Variants in SRFBP1 observed in about 807,000 individuals in gnomAD.
The protein encoded by SRFBP1 is serum response factor-binding protein 1.
A neutral mutation model predicts 45.5 loss-of-function variants in SRFBP1; 47 were observed. The ratio of observed to expected loss-of-function variants is 1.03; its 90% confidence interval spans 0.82 to 1.32. SRFBP1 has a LOEUF of 1.32. SRFBP1 is among the 40% of genes most tolerant of loss of function. The probability of loss-of-function intolerance (pLI) is 0.00; values close to 1 mark genes in which losing one functional copy is unlikely to be tolerated. For synonymous variants in SRFBP1, 203 were observed against 166.3 expected, an observed-to-expected ratio of 1.22 and a Z score of -1.70; for missense variants, 621 against 484.6, an observed-to-expected ratio of 1.28 and a Z score of -2.64.
rs1753532815 is a variant in SRFBP1, at chr5:122,028,404, A to G, written c.*1278A>G. The G allele has an allele frequency of 6.6e-6, 1 of 152,138 alleles. No homozygotes were observed. The highest frequency in any genetic ancestry group is 1.5e-5 in the Non-Finnish European group (1 of 68,052). The allele number at this position is 152,138 out of a possible 1,614,324, so 9.4% of individuals were successfully genotyped here. A position where few individuals can be genotyped will look rare whatever the true frequency, so the allele number is the denominator to read the frequency against. On this transcript the variant is annotated 3_prime_UTR_variant, in exon 8 of 8. Transcript: ENST00000339397. ...GTAGATCGCTAGAGGCAAGGAGTTC[A>G]AAACCAGCCTGGGCAACATGGTGAA...
chr5:122,014,985 TTCTTATG>T (rs1157672888), intron 4 of SRFBP1, among the ~76,000 whole-genome samples: 2 of 152,222 alleles, frequency 1.3e-5, no homozygotes, highest in African/African-American at 4.8e-5. Context: ...TTCCCAGAAT[TTCTTATG>T]TCTGTTTTAT....
At chr5:122,031,414 T>C (rs189874341), downstream of SRFBP1, among the ~76,000 whole-genome samples, 201 of 152,236 alleles carry the variant, frequency 1.3e-3, 1 homozygote, top group Non-Finnish European at 4.3e-4. Flanking sequence ...AGAAATTCCC[T>C]GAGGAAGCCC....
At chr5:122,035,208 T>C (rs1753673660) in intron 2 of SRFBP1, among the ~76,000 whole-genome samples, 2 of 152,088 alleles carry the variant, frequency 1.3e-5, no homozygotes, top group South Asian at 4.1e-4. Context: ...TAGTGGAGAT[T>C]TGTATCTTTC....
chr5:122,055,418 C>A (rs1262587921), intron 2 of SRFBP1, among the ~76,000 whole-genome samples: 1 of 152,150 alleles, frequency 6.6e-6, no homozygotes, highest in Non-Finnish European at 1.5e-5. Flanking sequence ...CTAGGATAAT[C>A]CCAATACTAA....
At chr5:122,058,865 A>T (rs1374834401) in intron 2 of SRFBP1, among the ~76,000 whole-genome samples, 1 of 152,142 alleles carries the variant, frequency 6.6e-6, no homozygotes, top group Non-Finnish European at 1.5e-5. Flanking sequence ...AATGAGCATT[A>T]TTTATTTATG....
At chr5:122,041,400 C>CT (rs572324581) in intron 2 of SRFBP1, among the ~76,000 whole-genome samples, 3 of 150,744 alleles carry the variant, frequency 2.0e-5, no homozygotes, top group Non-Finnish European at 3.0e-5. Context: ...CTGTGATATG[C>CT]TTTTTTTTTA....
intron 2 of SRFBP1, among the ~76,000 whole-genome samples, chr5:122,052,990 T>A (rs1251574809): frequency 6.6e-6 from 1 of 152,070 alleles, no homozygotes; most frequent in Non-Finnish European, 1.5e-5. Context: ...TTGCTTTGAT[T>A]CTAGTCAGCT....
In SRFBP1 at chr5:122,026,899, C is replaced by G. The variant is rs180722519; in HGVS notation, c.1106-43C>G. ...ATGAAATTTACTTCTCCTATATGCTCTTTAAGTATATAGTTATTATTATTT... is the reference window on the plus strand; with the variant it reads ...ATGAAATTTACTTCTCCTATATGCTGTTTAAGTATATAGTTATTATTATTT... On this transcript the variant is annotated intron_variant, in intron 7 of 7. Transcript: ENST00000339397. 5.2e-6 allele frequency: 7 copies of G among 1,359,006 alleles called. No individual in the cohort carries two copies. The Admixed American group carries it at 1.6e-4, about 30-fold the overall frequency. 84.2% of individuals were successfully genotyped at this position (1,359,006 alleles called of 1,614,324 possible).
At chr5:121,969,107 C>T (rs564807291) in intron 1 of SRFBP1, among the ~76,000 whole-genome samples, 48 of 152,108 alleles carry the variant, frequency 3.2e-4, no homozygotes, top group Admixed American at 3.3e-4. Context: ...AGAAACTTGC[C>T]GTCATTGTCA....
At chr5:121,999,661 G>T (rs974510160) in intron 4 of SRFBP1, among the ~76,000 whole-genome samples, 1 of 151,926 alleles carries the variant, frequency 6.6e-6, no homozygotes, top group African/African-American at 2.4e-5. Flanking sequence ...TGTTCTTGGG[G>T]CGCTGATCCT....
chr5:122,025,908 C>G (rs1753469698), intron 7 of SRFBP1, among the ~76,000 whole-genome samples: 1 of 152,088 alleles, frequency 6.6e-6, no homozygotes, highest in African/African-American at 2.4e-5. Context: ...CGAGATCAGC[C>G]TGACCAATAT....
At chr5:122,060,219 G>T (rs1225897762) in intron 2 of SRFBP1, among the ~76,000 whole-genome samples, 1 of 152,056 alleles carries the variant, frequency 6.6e-6, no homozygotes, top group East Asian at 1.9e-4. Flanking sequence ...GAATAAGGGG[G>T]TTCTTAACAG....
At chr5:122,012,824 C>G (rs1753121882) in intron 4 of SRFBP1, among the ~76,000 whole-genome samples, 1 of 151,930 alleles carries the variant, frequency 6.6e-6, no homozygotes, top group Non-Finnish European at 1.5e-5. Flanking sequence ...TAACTTGTGC[C>G]TTTTTCTTTG....
chr5:122,070,592 A>G, intron 2 of SRFBP1: 2 of 1,524,204 alleles, frequency 1.3e-6, no homozygotes, highest in South Asian at 2.3e-5. Flanking sequence ...CTCAATCCCT[A>G]AGATAAACAA....
chr5:121,993,802 A>C (rs1192806200), intron 3 of SRFBP1, among the ~76,000 whole-genome samples: 1 of 151,918 alleles, frequency 6.6e-6, no homozygotes, highest in Admixed American at 6.6e-5. Flanking sequence ...CTTTCTCAAG[A>C]CTTGTTTATT....
At chr5:122,026,067 G>A (rs143577750) in intron 7 of SRFBP1, among the ~76,000 whole-genome samples, 3,558 of 152,240 alleles carry the variant, frequency 0.023, 142 homozygotes, top group African/African-American at 0.081. Flanking sequence ...TCCATCCTGG[G>A]CAACAGAGCA....
chr5:121,995,575 A>G (rs1220498082), intron 4 of SRFBP1, among the ~76,000 whole-genome samples: 1 of 152,210 alleles, frequency 6.6e-6, no homozygotes, highest in African/African-American at 2.4e-5. Context: ...AAGATCCAAA[A>G]TTGACACCCT....
intron 2 of SRFBP1, among the ~76,000 whole-genome samples, chr5:122,061,971 TC>T (rs1192328878): frequency 6.6e-6 from 1 of 151,844 alleles, no homozygotes; most frequent in Admixed American, 6.6e-5. Flanking sequence ...AGATGGTATA[TC>T]CCAGAGTTTT....
At chr5:121,966,047 A>G (rs1752057156) in intron 1 of SRFBP1, among the ~76,000 whole-genome samples, 1 of 152,164 alleles carries the variant, frequency 6.6e-6, no homozygotes, top group African/African-American at 2.4e-5. Context: ...GTATCCTGAG[A>G]CTTTGCTGAA....
Sources: gnomAD v4.1 joint callset for allele counts (sites outside exome capture counted in the v4.1 genomes callset) on GRCh38, gnomAD v4.1.1 for gene constraint, MANE v1.5 for transcripts, NCBI Gene and HGNC (gene_info 2026-07-23, HGNC 2026-07-21) for gene names.